RAPGEF2: variants seen among roughly 807,000 people sequenced by gnomAD.
RAPGEF2 encodes Rap guanine nucleotide exchange factor 2.
Under a neutral mutation model 186.7 loss-of-function variants are expected in RAPGEF2, and 54 were observed. The ratio of observed to expected loss-of-function variants is 0.29; its 90% CI spans 0.23 to 0.36. The LOEUF (loss-of-function observed/expected upper bound fraction) is 0.36, where lower values mean the gene tolerates loss of function less well. Among genes scored for constraint, RAPGEF2 ranks in the 10% least tolerant of loss-of-function variants. The pLI is 1.00. For synonymous variants in RAPGEF2, 712 were observed against 705.9 expected, an observed-to-expected ratio of 1.01 and a Z score of -0.14; for missense variants, 1,532 against 2,045.0, an observed-to-expected ratio of 0.75 and a Z score of 4.84.
Position 159,241,330 on chromosome 4 carries a change from C to A in RAPGEF2, c.487C>A (p.Pro163Thr). The stretch of plus-strand genomic sequence containing the variant: ...AATTATTGACACTGTGGATCCTTAT[C>A]CCATGGGCAAACCTCCTTTGCCTAG... ...QTIIDTVDPY[P>T]MGKPPLPRGY... The change falls in exon 6 of 30, where the codon CCC becomes ACC. Residue 163 changes from proline (P) to threonine (T), a missense_variant. Coordinates refer to ENST00000691494, the MANE Select transcript of RAPGEF2 (RefSeq NM_001394067.2). The A allele has an allele frequency of 1.3e-6, 2 of 1,522,020 alleles. No individual in the cohort carries two copies. The highest frequency in any genetic ancestry group is 1.4e-5 in the African/African-American group (1 of 72,864). The allele number at this position is 1,522,020 out of a possible 1,614,324, so 94.3% of individuals were successfully genotyped here.
At chr4:159,219,266 T>C (rs1326224927) in intron 4 of RAPGEF2, among the ~76,000 whole-genome samples, 1 of 151,862 alleles carries the variant, frequency 6.6e-6, no homozygotes, top group African/African-American at 2.4e-5. Context: ...TTATCAAGAA[T>C]GGGCGGTATA....
chr4:159,214,201 A>G (rs1252677460), intron 4 of RAPGEF2, among the ~76,000 whole-genome samples: 3 of 152,190 alleles, frequency 2.0e-5, no homozygotes, highest in East Asian at 1.9e-4. Context: ...TTTCAGATCT[A>G]TGAGTGAAGC....
At position 159,273,644 on chromosome 4, in the gene RAPGEF2, T is replaced by TTC. The variant is rs200534046; in HGVS notation, c.543+29855_543+29856dup. Reference sequence around the variant, plus strand: ...GTAATCAGTTTCTTTCTTTCTTTCTTTCTTTCTTTCTTTCTTTCTTTCTTT... The same window carrying TTC: ...GTAATCAGTTTCTTTCTTTCTTTCTTTCTCTTTCTTTCTTTCTTTCTTTCTTT... On this transcript the variant is annotated intron_variant, in intron 7 of 29. Transcript: ENST00000691494. Among the ~76,000 whole-genome samples the TTC allele has an allele frequency of 1.8e-3, 237 of 132,478 alleles. 2 individuals carry two copies. The highest frequency in any genetic ancestry group is 6.5e-3 in the African/African-American group (224 of 34,242). The allele number at this position is 132,478 out of a possible 152,430, so 86.9% of individuals were successfully genotyped here.
At chr4:159,253,579 C>G (rs920207572) in intron 7 of RAPGEF2, among the ~76,000 whole-genome samples, 1 of 152,100 alleles carries the variant, frequency 6.6e-6, no homozygotes, top group Admixed American at 6.5e-5. Context: ...CTTCAAATGA[C>G]AAGCTCATTT....
At chr4:159,226,515 T>G (rs567804546) in intron 4 of RAPGEF2, among the ~76,000 whole-genome samples, 73 of 152,278 alleles carry the variant, frequency 4.8e-4, no homozygotes, top group African/African-American at 1.7e-3. Context: ...CAAAAAAATG[T>G]TTGTTAGGAT....
rs369772650 is a variant in RAPGEF2, at chr4:159,341,515, T to C, written c.2535-49T>C. The C allele has an allele frequency of 3.1e-5, 45 of 1,456,348 alleles. No individual in the cohort carries two copies. In the East Asian group the frequency reaches 4.6e-4, roughly 15 times the overall value. 90.2% of individuals were successfully genotyped at this position (1,456,348 alleles called of 1,614,324 possible). On this transcript the variant is annotated intron_variant, in intron 19 of 29. Coordinates refer to ENST00000691494, the MANE Select transcript of RAPGEF2 (RefSeq NM_001394067.2). The stretch of plus-strand genomic sequence containing the variant: ...AGCATTATTCTTTCAAGGAATATCA[T>C]GAGATTGCTGCTTAGGCTTTGACTC...
chr4:159,205,908 A>T (rs1280074586), intron 3 of RAPGEF2, among the ~76,000 whole-genome samples: 1 of 151,824 alleles, frequency 6.6e-6, no homozygotes, highest in Non-Finnish European at 1.5e-5. Flanking sequence ...CAGAACACTT[A>T]CATTAGCCTA....
At chr4:159,253,548 A>G (rs1392309996) in intron 7 of RAPGEF2, among the ~76,000 whole-genome samples, 3 of 152,228 alleles carry the variant, frequency 2.0e-5, no homozygotes, top group Non-Finnish European at 4.4e-5. Flanking sequence ...TATCATTAGC[A>G]AATTATTATC....
intron 1 of RAPGEF2, among the ~76,000 whole-genome samples, chr4:159,178,664 T>C (rs899629123): frequency 1.3e-5 from 2 of 149,238 alleles, no homozygotes; most frequent in Non-Finnish European, 3.0e-5. Context: ...TTCAAGCGAT[T>C]CTCCTGCCTC....
chr4:159,351,296 C>A, intron 26 of RAPGEF2: 3 of 1,204,022 alleles, frequency 2.5e-6, no homozygotes, highest in Non-Finnish European at 3.3e-6. Flanking sequence ...ATTTATTTTT[C>A]TGAAACTTTT....
chr4:159,273,663 T>A (rs1382086290), intron 7 of RAPGEF2, among the ~76,000 whole-genome samples: 1 of 149,780 alleles, frequency 6.7e-6, no homozygotes, highest in Admixed American at 6.7e-5. Context: ...TCTTTCTTTC[T>A]TTCTTTCTTT....
intron 8 of RAPGEF2, among the ~76,000 whole-genome samples, chr4:159,309,047 GA>G (rs779421479): frequency 6.8e-4 from 103 of 152,182 alleles, no homozygotes; most frequent in Non-Finnish European, 2.1e-4. Context: ...TAAGCACAAA[GA>G]AAGCAAGGAT....
In RAPGEF2 at chr4:159,198,899, G is replaced by A. The variant is rs530763874; in HGVS notation, c.197+5643G>A. Among the ~76,000 whole-genome samples the A allele has an allele frequency of 1.2e-3, 177 of 151,310 alleles. 1 individual carries two copies. The highest frequency in any genetic ancestry group is 3.4e-3 in the Admixed American group (52 of 15,216). On this transcript the variant is annotated intron_variant, in intron 3 of 29. Coordinates refer to ENST00000691494, the MANE Select transcript of RAPGEF2 (RefSeq NM_001394067.2). ...GTTCGAGACCAGCCTGGGCAACATG[G>A]CGAAACCCCATCTCTACTAAAAATA...
rs757419212 is a variant in RAPGEF2, at chr4:159,104,148, G to C, written c.-15G>C. 2.0e-6 allele frequency: 3 copies of C among 1,514,838 alleles called. No individual in the cohort carries two copies. Among genetic ancestry groups the C allele is most frequent in the African/African-American group, 2.8e-5 (2 of 71,578 alleles). 93.8% of individuals were successfully genotyped at this position (1,514,838 alleles called of 1,614,324 possible). A position where few individuals can be genotyped will look rare whatever the true frequency, so the allele number is the denominator to read the frequency against. On this transcript the variant is annotated 5_prime_UTR_variant, in exon 1 of 30. Transcript: ENST00000691494. Reference sequence around the variant, plus strand: ...CCAGGGTGCGGAGCGGCCCCGGCCCGCTCCCAGAGGGGAGATGGCGTCCTA... The same window carrying C: ...CCAGGGTGCGGAGCGGCCCCGGCCCCCTCCCAGAGGGGAGATGGCGTCCTA...
chr4:159,243,749 G>A (rs777048050), intron 6 of RAPGEF2, 25 bp from the exon 7 acceptor site: 5 of 1,268,766 alleles, frequency 3.9e-6, no homozygotes, highest in African/African-American at 1.5e-5. Context: ...CTCCTTTATG[G>A]CACTCATTTC....
intron 1 of RAPGEF2, among the ~76,000 whole-genome samples, chr4:159,115,763 A>C (rs1738981759): frequency 6.6e-6 from 1 of 152,160 alleles, no homozygotes; most frequent in East Asian, 1.9e-4. Context: ...CAGAATAGTG[A>C]TCTCAGAAAT....
At position 159,352,920 on chromosome 4, in the gene RAPGEF2, T is replaced by C; in HGVS notation, c.4091+10T>C. ...ATCAGTATAGCTTGGGGTAGGTGGC[T>C]CTTTTTAATATTCTTCTGAATTTAT... On this transcript the variant is annotated intron_variant, in intron 27 of 29. Coordinates refer to ENST00000691494, the MANE Select transcript of RAPGEF2 (RefSeq NM_001394067.2). 4 of 1,594,424 alleles carry C rather than the reference T, an allele frequency of 2.5e-6. No homozygotes were observed. The highest frequency in any genetic ancestry group is 3.4e-6 in the Non-Finnish European group (4 of 1,164,358).
At chr4:159,242,631 CT>C (rs1353559134) in intron 6 of RAPGEF2, among the ~76,000 whole-genome samples, 1 of 151,850 alleles carries the variant, frequency 6.6e-6, no homozygotes, top group Non-Finnish European at 1.5e-5. Flanking sequence ...GAAAGGACTG[CT>C]TTTTCCTCAT....
chr4:159,153,313 C>G (rs867192791), intron 1 of RAPGEF2, among the ~76,000 whole-genome samples: 1 of 152,248 alleles, frequency 6.6e-6, no homozygotes, highest in South Asian at 2.1e-4. Context: ...CACCCCCCAC[C>G]TGAGAGGGAT....
Sources: gnomAD v4.1 joint callset for allele counts (sites outside exome capture counted in the v4.1 genomes callset) on GRCh38, gnomAD v4.1.1 for gene constraint, MANE v1.5 for transcripts, NCBI Gene and HGNC (gene_info 2026-07-23, HGNC 2026-07-21) for gene names.